Variants in MAN2A1 observed in about 807,000 individuals in gnomAD.
The protein encoded by MAN2A1 is alpha-mannosidase 2.
In MAN2A1, 76 loss-of-function variants were observed where a neutral mutation model predicts 142.6. The ratio of observed to expected loss-of-function variants is 0.53; its 90% CI spans 0.44 to 0.65. The LOEUF is 0.65. Among genes scored for constraint, MAN2A1 ranks in the 30% least tolerant of loss-of-function variants. The probability of loss-of-function intolerance (pLI) is 0.00; values close to 1 mark genes in which losing one functional copy is unlikely to be tolerated. For missense variants in MAN2A1, 1,311 were observed against 1,365.1 expected (o/e 0.96, Z 0.62); for synonymous variants, 559 against 473.2 (o/e 1.18, Z -2.35).
chr5:109,797,460 T>G (rs1334513800), intron 12 of MAN2A1, among the ~76,000 whole-genome samples: 1 of 151,910 alleles, frequency 6.6e-6, no homozygotes, highest in Non-Finnish European at 1.5e-5. Flanking sequence ...AGAGTAAAGC[T>G]GACACTGAAA....
Position 109,802,810 on chromosome 5 carries a change from T to C in MAN2A1, c.1943+13283T>C, listed in dbSNP as rs187063506. Among the ~76,000 whole-genome samples, 614 of 152,218 alleles carry C rather than the reference T, an allele frequency of 4.0e-3. 1 individual carries two copies. Among genetic ancestry groups the C allele is most frequent in the Non-Finnish European group, 7.4e-3 (506 of 67,958 alleles). ...ACTGAGTGTTGTAGCTTCCTAATTA[T>C]ACTTCAAGCTTCCCTCATCATCTGA... is the stretch of plus-strand genomic sequence containing the variant. On this transcript the variant is annotated intron_variant, in intron 12 of 21. Coordinates refer to ENST00000261483, the MANE Select transcript of MAN2A1 (RefSeq NM_002372.4).
chr5:109,727,635 G>A (rs1751782433), intron 3 of MAN2A1, among the ~76,000 whole-genome samples: 1 of 152,184 alleles, frequency 6.6e-6, no homozygotes, highest in African/African-American at 2.4e-5. Flanking sequence ...CAAATTGGGT[G>A]TTCAGAATAT....
chr5:109,727,072 A>G (rs1456874670), intron 3 of MAN2A1, among the ~76,000 whole-genome samples: 1 of 152,202 alleles, frequency 6.6e-6, no homozygotes, highest in Admixed American at 6.5e-5. Context: ...TCAGTTAAAT[A>G]TTATGTTGAT....
chr5:109,698,580 A>G (rs888259891), intron 1 of MAN2A1, among the ~76,000 whole-genome samples: 8 of 152,140 alleles, frequency 5.3e-5, no homozygotes, highest in Non-Finnish European at 1.0e-4. Context: ...GCATTTGTGT[A>G]TTTTTCACAT....
intron 4 of MAN2A1, 87 bp from the exon 5 acceptor site, chr5:109,755,242 C>T (rs377201045): frequency 9.9e-7 from 1 of 1,014,542 alleles, no homozygotes; most frequent in South Asian, 1.4e-5. Flanking sequence ...TATTTAAAGG[C>T]TGTTCTTAAT....
rs141230566 is a variant in MAN2A1, at chr5:109,824,717, G to A, written c.2566+880G>A. On this transcript the variant is annotated intron_variant, in intron 16 of 21. Coordinates refer to ENST00000261483, the MANE Select transcript of MAN2A1 (RefSeq NM_002372.4). ...TCACAAACTAAAGATAAATGTATAG[G>A]TAGGCACGGTTTCCTTTTTAGGTAT... 5.4e-3 allele frequency among the ~76,000 whole-genome samples: 828 copies of A among 152,262 alleles called. 3 individuals are homozygous for A. Among genetic ancestry groups the A allele is most frequent in the African/African-American group, 0.019 (806 of 41,576 alleles).
chr5:109,700,572 A>G (rs957117386), intron 1 of MAN2A1, among the ~76,000 whole-genome samples: 3 of 152,194 alleles, frequency 2.0e-5, no homozygotes, highest in African/African-American at 7.2e-5. Flanking sequence ...TTTTCTACAT[A>G]AAGTCCTGAA....
intron 4 of MAN2A1, among the ~76,000 whole-genome samples, chr5:109,754,916 G>C (rs998027528): frequency 6.6e-6 from 1 of 152,242 alleles, no homozygotes. Flanking sequence ...CAGGAGAATC[G>C]CTTGAACCTG....
At chr5:109,827,128 A>G (rs1335985759) in intron 16 of MAN2A1, among the ~76,000 whole-genome samples, 2 of 152,206 alleles carry the variant, frequency 1.3e-5, no homozygotes, top group Non-Finnish European at 2.9e-5. Flanking sequence ...TTAGTACCAG[A>G]TTTTCAATCC....
intron 5 of MAN2A1, among the ~76,000 whole-genome samples, chr5:109,764,267 GT>G (rs1752932205): frequency 6.6e-6 from 1 of 151,900 alleles, no homozygotes; most frequent in Admixed American, 6.6e-5. Flanking sequence ...AACCTATTAG[GT>G]TTGCCAAAAA....
intron 16 of MAN2A1, among the ~76,000 whole-genome samples, chr5:109,834,207 A>G (rs1755003191): frequency 6.6e-6 from 1 of 152,178 alleles, no homozygotes; most frequent in Non-Finnish European, 1.5e-5. Context: ...TATCATGATT[A>G]GTTCAGCCAA....
chr5:109,759,962 T>G (rs7719183), intron 5 of MAN2A1, among the ~76,000 whole-genome samples: 10,520 of 49,242 alleles, frequency 0.21, 459 homozygotes, highest in East Asian at 0.26. Flanking sequence ...TATATATATA[T>G]ATAGATAGAT....
intron 20 of MAN2A1, chr5:109,863,840 T>C (rs544769655): frequency 2.0e-5 from 3 of 152,302 alleles, no homozygotes; most frequent in Admixed American, 1.3e-4. Flanking sequence ...GCTGTGTGTA[T>C]CATGTGGTCT....
At chr5:109,785,311 A>G (rs1484043506) in intron 10 of MAN2A1, among the ~76,000 whole-genome samples, 1 of 152,074 alleles carries the variant, frequency 6.6e-6, no homozygotes, top group Non-Finnish European at 1.5e-5. Flanking sequence ...ATGTCAGTTT[A>G]ATCTCATCCT....
chr5:109,784,005 A>G (rs1753531469), intron 9 of MAN2A1, among the ~76,000 whole-genome samples: 1 of 152,010 alleles, frequency 6.6e-6, no homozygotes, highest in African/African-American at 2.4e-5. Flanking sequence ...AGTTAGGACT[A>G]TAGGTGCATG....
chr5:109,805,865 A>T (rs1754150653), intron 12 of MAN2A1, among the ~76,000 whole-genome samples: 1 of 152,222 alleles, frequency 6.6e-6, no homozygotes, highest in Non-Finnish European at 1.5e-5. Flanking sequence ...CTGGGACATA[A>T]GATAATCTGT....
chr5:109,729,304 G>C (rs752313560), intron 3 of MAN2A1, 38 bp from the exon 4 acceptor site: 4 of 1,413,420 alleles, frequency 2.8e-6, no homozygotes, highest in Non-Finnish European at 2.9e-6. Flanking sequence ...TCAGCCATAC[G>C]AATTAGACCT....
chr5:109,704,643 T>G (rs758131705), intron 1 of MAN2A1, among the ~76,000 whole-genome samples: 1 of 152,190 alleles, frequency 6.6e-6, no homozygotes, highest in Non-Finnish European at 1.5e-5. Context: ...AAAGCCTTCC[T>G]GTTAAGTTCC....
chr5:109,819,289 C>T (rs1380039145), intron 13 of MAN2A1, among the ~76,000 whole-genome samples: 4 of 152,198 alleles, frequency 2.6e-5, no homozygotes, highest in East Asian at 1.9e-4. Flanking sequence ...TTTTGACTTA[C>T]GATATTTTCA....
Sources: allele counts gnomAD v4.1 joint callset (sites outside exome capture counted in the v4.1 genomes callset), GRCh38; gene constraint gnomAD v4.1.1; transcripts MANE v1.5; gene names NCBI Gene and HGNC (gene_info 2026-07-23, HGNC 2026-07-21).